The following SLC25A21 variants were observed in gnomAD, a reference collection of about 807,000 sequenced individuals.
SLC25A21 encodes the protein solute carrier family 25 member 21.
SLC25A21 carries 47 observed loss-of-function variants against 43.8 expected under a neutral mutation model. The observed-to-expected ratio is 1.07, with a 90% CI of 0.85 to 1.37. SLC25A21 has a LOEUF of 1.37. SLC25A21 is among the 40% of genes most tolerant of loss of function. The pLI, the probability that SLC25A21 is intolerant of heterozygous loss-of-function variation, is 0.00. For missense variants in SLC25A21, 352 were observed against 350.2 expected, an observed-to-expected ratio of 1.00 and a Z score of -0.04; for synonymous variants, 131 against 121.3, an observed-to-expected ratio of 1.08 and a Z score of -0.52.
At chr14:37,014,498 T>C (rs1335909963) in intron 1 of SLC25A21, among the ~76,000 whole-genome samples, 1 of 152,118 alleles carries the variant, frequency 6.6e-6, no homozygotes, top group African/African-American at 2.4e-5. Flanking sequence ...ACCCTCCACT[T>C]CTAATTCTCG....
chr14:36,852,110 G>T (rs1889758868), intron 2 of SLC25A21, among the ~76,000 whole-genome samples: 1 of 152,026 alleles, frequency 6.6e-6, no homozygotes, highest in South Asian at 2.1e-4. Context: ...AAAAAGTACT[G>T]GGAACATACC....
intron 3 of SLC25A21, chr14:36,788,591 T>C (rs1594588455): frequency 6.7e-6 from 1 of 148,584 alleles, no homozygotes; most frequent in South Asian, 2.2e-4. Flanking sequence ...TCTGTGTGTG[T>C]TGAAAAACAA....
At chr14:36,714,421 G>A (rs1051972280) in intron 6 of SLC25A21, among the ~76,000 whole-genome samples, 1 of 152,152 alleles carries the variant, frequency 6.6e-6, no homozygotes, top group African/African-American at 2.4e-5. Context: ...CTTGTTCCAG[G>A]TACAGTGCCT....
At chr14:36,841,851 C>T (rs1368979447) in intron 2 of SLC25A21, among the ~76,000 whole-genome samples, 3 of 152,214 alleles carry the variant, frequency 2.0e-5, no homozygotes, top group Non-Finnish European at 4.4e-5. Flanking sequence ...CCAAGGCACT[C>T]ACCTGCAGAC....
intron 1 of SLC25A21, among the ~76,000 whole-genome samples, chr14:37,123,538 A>G (rs929593951): frequency 2.6e-5 from 4 of 152,226 alleles, no homozygotes; most frequent in Non-Finnish European, 4.4e-5. Flanking sequence ...GTAAAAAACT[A>G]GAAAGAACAA....
rs1255935000 is a variant in SLC25A21, at chr14:36,731,580, G to GCACT, written c.271-2018_271-2015dup. Among the ~76,000 whole-genome samples the GCACT allele has an allele frequency of 2.6e-5, 4 of 152,156 alleles. No homozygotes were observed. The East Asian group carries it at 7.7e-4, about 29-fold the overall frequency. On this transcript the variant is annotated intron_variant, in intron 4 of 9. Transcript: ENST00000331299. The stretch of plus-strand genomic sequence containing the variant: ...AATCATAGAGGCCTTAAGTATATGA[G>GCACT]CACTCCTCTCAATGCCCTGGGGCTG...
At chr14:37,097,629 T>C (rs185547115) in intron 1 of SLC25A21, among the ~76,000 whole-genome samples, 25 of 152,146 alleles carry the variant, frequency 1.6e-4, no homozygotes, top group African/African-American at 5.8e-4. Context: ...ACACCTGTAA[T>C]CCCGGCACTT....
intron 1 of SLC25A21, among the ~76,000 whole-genome samples, chr14:36,912,461 G>A (rs1891713677): frequency 6.6e-6 from 1 of 152,136 alleles, no homozygotes; most frequent in Admixed American, 6.6e-5. Flanking sequence ...TATACAAGCA[G>A]CAGGCACTAA....
chr14:36,886,155 T>C, intron 1 of SLC25A21, among the ~76,000 whole-genome samples: 1 of 152,184 alleles, frequency 6.6e-6, no homozygotes, highest in African/African-American at 2.4e-5. Flanking sequence ...CAACATCCTA[T>C]TTGATAGCCT....
intron 1 of SLC25A21, among the ~76,000 whole-genome samples, chr14:37,101,646 AATG>A (rs1396337183): frequency 2.0e-5 from 3 of 152,250 alleles, no homozygotes; most frequent in African/African-American, 4.8e-5. Flanking sequence ...ATAAATTTTA[AATG>A]ATGGTTTGCA....
chr14:36,864,123 G>T (rs1156853978), intron 2 of SLC25A21, among the ~76,000 whole-genome samples: 4 of 152,104 alleles, frequency 2.6e-5, no homozygotes, highest in Admixed American at 6.5e-5. Context: ...CTGTAATACT[G>T]CAAAAAGTAA....
chr14:36,969,200 T>C (rs1959692200), intron 1 of SLC25A21, among the ~76,000 whole-genome samples: 1 of 152,152 alleles, frequency 6.6e-6, no homozygotes, highest in Non-Finnish European at 1.5e-5. Context: ...AATAAATAAA[T>C]ATGTTGTCTT....
chr14:37,067,628 T>C (rs1024051015), intron 1 of SLC25A21, among the ~76,000 whole-genome samples: 22 of 152,156 alleles, frequency 1.4e-4, no homozygotes, highest in African/African-American at 5.3e-4. Context: ...GCAGTAAATA[T>C]ATGAGAGGAC....
chr14:36,952,002 AGGAGGGCAG>A (rs545047156), intron 1 of SLC25A21, among the ~76,000 whole-genome samples: 71 of 152,252 alleles, frequency 4.7e-4, no homozygotes, highest in African/African-American at 1.6e-3. Context: ...TGGGAGGCCA[AGGAGGGCAG>A]ATCACTTAGG....
intron 6 of SLC25A21, among the ~76,000 whole-genome samples, chr14:36,715,167 T>C (rs1566530117): frequency 2.0e-5 from 3 of 152,214 alleles, no homozygotes; most frequent in African/African-American, 7.2e-5. Flanking sequence ...AGTACAAATA[T>C]ATTTTTCTGG....
intron 3 of SLC25A21, among the ~76,000 whole-genome samples, chr14:36,747,726 GTTA>G (rs1319133788): frequency 1.3e-5 from 2 of 152,156 alleles, no homozygotes; most frequent in Admixed American, 6.5e-5. Context: ...ATGGCCATTG[GTTA>G]TTATAGTACA....
intron 7 of SLC25A21, among the ~76,000 whole-genome samples, chr14:36,700,037 A>G (rs1232729461): frequency 2.0e-5 from 3 of 152,098 alleles, no homozygotes; most frequent in Admixed American, 6.5e-5. Flanking sequence ...GTTGATCACA[A>G]TGGGAGTGCA....
intron 1 of SLC25A21, among the ~76,000 whole-genome samples, chr14:37,113,576 G>A (rs769625556): frequency 1.3e-5 from 2 of 152,018 alleles, no homozygotes; most frequent in African/African-American, 2.4e-5. Context: ...ATGTTAGACC[G>A]GGAGTGTTGG....
chr14:37,115,357 C>T (rs183875379), intron 1 of SLC25A21, among the ~76,000 whole-genome samples: 24 of 152,206 alleles, frequency 1.6e-4, no homozygotes, highest in Admixed American at 5.2e-4. Context: ...AAGAGTCTGA[C>T]AAATATCTGA....
Sources: gnomAD v4.1 joint callset for allele counts (sites outside exome capture counted in the v4.1 genomes callset) on GRCh38, gnomAD v4.1.1 for gene constraint, MANE v1.5 for transcripts, NCBI Gene and HGNC (gene_info 2026-07-23, HGNC 2026-07-21) for gene names.